The following ADARB1 variants were observed in gnomAD, a reference collection of about 807,000 sequenced individuals.
The protein encoded by ADARB1 is adenosine deaminase RNA specific B1, also known as double-stranded RNA-specific editase 1.
In ADARB1, 10 loss-of-function variants were observed where a neutral mutation model predicts 52.4. The observed-to-expected ratio is 0.19, with a 90% CI of 0.12 to 0.32. The LOEUF is 0.32. ADARB1 is among the 10% of genes least tolerant of loss of function. The pLI is 1.00. For missense variants in ADARB1, 643 were observed against 922.3 expected, an observed-to-expected ratio of 0.70 and a Z score of 3.92; for synonymous variants, 349 against 371.1, an observed-to-expected ratio of 0.94 and a Z score of 0.68.
At chr21:45,148,585 A>T (rs925330647) in intron 2 of ADARB1, among the ~76,000 whole-genome samples, 2 of 152,204 alleles carry the variant, frequency 1.3e-5, no homozygotes, top group African/African-American at 4.8e-5. Context: ...CCACAGGGGA[A>T]GCTTGGAGGA....
Position 45,142,753 on chromosome 21 carries a change from T to G in ADARB1, c.-48+14180T>G, listed in dbSNP as rs1466974954. ...GCGGCGTCCTTGCTTGGTCCCCCCA[T>G]GAACTCAGGGGTGTGGCCTGGCTCC... On this transcript the variant is annotated intron_variant, in intron 2 of 10. Coordinates refer to ENST00000348831, the MANE Select transcript of ADARB1 (RefSeq NM_001112.4). This position sits in a 1 kb window ranked among gnomAD's most constrained non-coding sequence, Gnocchi z 4.0. Among the ~76,000 whole-genome samples the G allele has an allele frequency of 2.0e-5, 3 of 152,136 alleles. No individual in the cohort carries two copies. Among genetic ancestry groups the G allele is most frequent in the Non-Finnish European group, 4.4e-5 (3 of 68,008 alleles).
intron 5 of ADARB1, among the ~76,000 whole-genome samples, chr21:45,181,922 ATGG>A (rs1286754062): frequency 2.6e-5 from 4 of 152,246 alleles, no homozygotes; most frequent in Non-Finnish European, 5.9e-5. Flanking sequence ...TACCTGCCAC[ATGG>A]TGTGCACACC....
intron 1 of ADARB1, among the ~76,000 whole-genome samples, chr21:45,124,024 A>G (rs536931906): frequency 6.6e-6 from 1 of 152,330 alleles, no homozygotes; most frequent in East Asian, 1.9e-4. Context: ...AGTCATCAGT[A>G]TATTCTTTTG....
intron 2 of ADARB1, among the ~76,000 whole-genome samples, chr21:45,155,598 TCACCCATCCATCCACC>T (rs2090517287): frequency 6.8e-6 from 1 of 147,526 alleles, no homozygotes; most frequent in Non-Finnish European, 1.5e-5. Context: ...ATCCATCCAC[TCACCCATCCATCCACC>T]CATCTACCCA....
Position 45,104,268 on chromosome 21 carries a change from A to C in ADARB1, c.-219-24134A>C, listed in dbSNP as rs1459162089. 2.0e-5 allele frequency among the ~76,000 whole-genome samples: 3 copies of C among 152,324 alleles called. No individual in the cohort carries two copies. In the East Asian group the frequency reaches 5.8e-4, roughly 29 times the overall value. On this transcript the variant is annotated intron_variant, in intron 1 of 10. Transcript: ENST00000348831. ...GCAGTGGGATATATTTATGTGCTGCAGTCACTTCTGTGAAGAGTTAGGTGC... is the reference window on the plus strand; with the variant it reads ...GCAGTGGGATATATTTATGTGCTGCCGTCACTTCTGTGAAGAGTTAGGTGC...
At position 45,200,988 on chromosome 21, in the gene ADARB1, A is replaced by G. The variant is rs1239107477; in HGVS notation, c.1566-3567A>G. On this transcript the variant is annotated intron_variant, in intron 8 of 10. Coordinates refer to ENST00000348831, the MANE Select transcript of ADARB1 (RefSeq NM_001112.4). This position sits in a 1 kb window ranked among gnomAD's most constrained non-coding sequence, Gnocchi z 5.0. ...CGAAGAAGGCCAGGCACAGATGCCT[A>G]GACCCGGGTGCACTGAGCCGAGGCC... is the stretch of plus-strand genomic sequence containing the variant. Among the ~76,000 whole-genome samples, 1 of 152,244 alleles carries G rather than the reference A, an allele frequency of 6.6e-6. No homozygotes were observed. Among genetic ancestry groups the G allele is most frequent in the Non-Finnish European group, 1.5e-5 (1 of 68,038 alleles).
chr21:45,185,719 C>A (rs2092081148), intron 8 of ADARB1, among the ~76,000 whole-genome samples: 1 of 152,056 alleles, frequency 6.6e-6, no homozygotes, highest in Non-Finnish European at 1.5e-5. Context: ...TCCAGTAGTT[C>A]TTTGTTTTCA....
intron 1 of ADARB1, among the ~76,000 whole-genome samples, chr21:45,106,103 T>C (rs1569012627): frequency 1.3e-5 from 2 of 152,130 alleles, no homozygotes; most frequent in African/African-American, 2.4e-5. Context: ...TTCTTAGCTG[T>C]TTGCTTTGTT....
intron 2 of ADARB1, among the ~76,000 whole-genome samples, chr21:45,144,012 T>C (rs563524551): frequency 6.6e-6 from 1 of 152,364 alleles, no homozygotes; most frequent in Admixed American, 6.5e-5. Context: ...CTTTGTTCAC[T>C]GATGTATCTC....
rs201552994 is a variant in ADARB1, at chr21:45,222,078, C to G, written c.1987C>G (p.Leu663Val). Residue 663 changes from leucine (L) to valine (V), a missense_variant, in exon 11 of 11, where the codon CTG (leucine) becomes GTG (valine). Transcript: ENST00000348831. ...TKPNVYHESKLAAKEYQAAKA... is the reference protein window; with the variant it reads ...TKPNVYHESKVAAKEYQAAKA... ...GCCCAACGTGTACCATGAGTCCAAGCTGGCGGCAAAGGAGTACCAGGCCGC... is the reference window on the plus strand; with the variant it reads ...GCCCAACGTGTACCATGAGTCCAAGGTGGCGGCAAAGGAGTACCAGGCCGC... The G allele has an allele frequency of 6.8e-6, 11 of 1,613,692 alleles. No homozygotes were observed. The highest frequency in any genetic ancestry group is 9.3e-6 in the Non-Finnish European group (11 of 1,179,972).
chr21:45,154,068 T>C (rs2090438157), intron 2 of ADARB1, among the ~76,000 whole-genome samples: 1 of 152,238 alleles, frequency 6.6e-6, no homozygotes, highest in Non-Finnish European at 1.5e-5. Context: ...ACAAGAATAA[T>C]TCTGTCATCA....
At position 45,224,400 on chromosome 21, in the gene ADARB1, C is replaced by G. The variant is rs1222295522; in HGVS notation, c.*2203C>G. 2.0e-6 allele frequency: 2 copies of G among 976,416 alleles called. No individual in the cohort carries two copies. The highest frequency in any genetic ancestry group is 3.7e-5 in the African/African-American group (2 of 54,678). 60.5% of individuals were successfully genotyped at this position (976,416 alleles called of 1,614,324 possible). On this transcript the variant is annotated 3_prime_UTR_variant, in exon 11 of 11. Coordinates refer to ENST00000348831, the MANE Select transcript of ADARB1 (RefSeq NM_001112.4). Reference sequence around the variant, plus strand: ...TGAGGTGGCACCTTTCCGGGGTGGACTCGTGCGGCCTTGAGGACAGGCACA... The same window carrying G: ...TGAGGTGGCACCTTTCCGGGGTGGAGTCGTGCGGCCTTGAGGACAGGCACA...
intron 1 of ADARB1, among the ~76,000 whole-genome samples, chr21:45,076,558 C>T (rs1405242958): frequency 6.6e-6 from 1 of 152,180 alleles, no homozygotes; most frequent in African/African-American, 2.4e-5. Context: ...ATCGATCCAG[C>T]TCTGAGAAAT....
intron 1 of ADARB1, among the ~76,000 whole-genome samples, chr21:45,118,824 C>G (rs1005352812): frequency 1.2e-4 from 19 of 152,244 alleles, no homozygotes; most frequent in Non-Finnish European, 1.3e-4. Context: ...ATGGCTCCTG[C>G]TTCTTGGGAA....
chr21:45,139,041 C>T (rs2089555197), intron 2 of ADARB1, among the ~76,000 whole-genome samples: 1 of 152,122 alleles, frequency 6.6e-6, no homozygotes, highest in Admixed American at 6.5e-5. Context: ...CTGCCACAGC[C>T]TCCTGAGTAG....
intron 1 of ADARB1, among the ~76,000 whole-genome samples, chr21:45,115,728 G>A (rs1196579283): frequency 1.3e-5 from 2 of 152,176 alleles, no homozygotes; most frequent in African/African-American, 4.8e-5. Context: ...AAGTCGTATG[G>A]TTTTTCTTCT....
intron 9 of ADARB1, among the ~76,000 whole-genome samples, chr21:45,205,990 G>A (rs1444594585): frequency 6.6e-6 from 1 of 152,170 alleles, no homozygotes; most frequent in Non-Finnish European, 1.5e-5. Context: ...GGGAAAAACA[G>A]TTGTCTTTAA....
At chr21:45,121,564 G>A (rs2088190900) in intron 1 of ADARB1, among the ~76,000 whole-genome samples, 1 of 152,116 alleles carries the variant, frequency 6.6e-6, no homozygotes, top group African/African-American at 2.4e-5. Flanking sequence ...ATCTGTTTCT[G>A]TGAGAGCTCC....
chr21:45,124,539 T>C (rs571067383), intron 1 of ADARB1, among the ~76,000 whole-genome samples: 1 of 152,082 alleles, frequency 6.6e-6, no homozygotes, highest in African/African-American at 2.4e-5. Flanking sequence ...CACACCTGGC[T>C]AATTTTCTTT....
Sources: allele counts gnomAD v4.1 joint callset (sites outside exome capture counted in the v4.1 genomes callset), GRCh38; gene constraint gnomAD v4.1.1; non-coding constraint Gnocchi (gnomAD v3.1); transcripts MANE v1.5; gene names NCBI Gene and HGNC (gene_info 2026-07-23, HGNC 2026-07-21).